Variants in ASIC2 observed in about 807,000 individuals in gnomAD.
ASIC2 encodes acid-sensing ion channel 2.
ASIC2 carries 25 observed loss-of-function variants against 57.3 expected under a neutral mutation model. The ratio of observed to expected loss-of-function variants is 0.44; its 90% CI spans 0.32 to 0.61. The LOEUF (loss-of-function observed/expected upper bound fraction) is 0.61, where lower values mean the gene tolerates loss of function less well. ASIC2 is among the 20% of genes least tolerant of loss of function. ASIC2 has a pLI of 0.06. For missense variants in ASIC2, 641 were observed against 738.1 expected (o/e 0.87, Z 1.52); for synonymous variants, 319 against 307.5 (o/e 1.04, Z -0.39).
In ASIC2 at chr17:33,909,143, C is replaced by T. The variant is rs28608795; in HGVS notation, c.555+246835G>A. 5.5e-3 allele frequency among the ~76,000 whole-genome samples: 835 copies of T among 152,280 alleles called. 7 individuals carry two copies. Among genetic ancestry groups the T allele is most frequent in the African/African-American group, 0.019 (793 of 41,550 alleles). ...GATAATTGGGAGGGGCAGTTGAAGGCAGAGGCATCTCCATACCTCAGAAAA... is the reference window on the plus strand; with the variant it reads ...GATAATTGGGAGGGGCAGTTGAAGGTAGAGGCATCTCCATACCTCAGAAAA... On this transcript the variant is annotated intron_variant, in intron 1 of 9. Transcript: ENST00000359872.
At chr17:33,324,104 T>C (rs1333147569) in intron 1 of ASIC2, among the ~76,000 whole-genome samples, 1 of 152,212 alleles carries the variant, frequency 6.6e-6, no homozygotes, top group African/African-American at 2.4e-5. Flanking sequence ...AAGATCTCGA[T>C]GGTGAACTGG....
intron 1 of ASIC2, among the ~76,000 whole-genome samples, chr17:33,289,607 A>G (rs965946158): frequency 6.6e-6 from 1 of 152,192 alleles, no homozygotes; most frequent in African/African-American, 2.4e-5. Flanking sequence ...AATTAGTGGT[A>G]TGCAAAGTTG....
intron 1 of ASIC2, among the ~76,000 whole-genome samples, chr17:33,578,941 G>A (rs906272125): frequency 1.3e-5 from 2 of 152,146 alleles, no homozygotes; most frequent in East Asian, 3.8e-4. Context: ...TCTAGCTTCT[G>A]CTGCTGCATC....
chr17:33,840,902 C>T (rs1358923400), intron 1 of ASIC2, among the ~76,000 whole-genome samples: 2 of 151,516 alleles, frequency 1.3e-5, no homozygotes, highest in Non-Finnish European at 2.9e-5. Flanking sequence ...AAAATTGGAG[C>T]ATCTTAGTCT....
intron 1 of ASIC2, among the ~76,000 whole-genome samples, chr17:33,178,932 A>G (rs1173066463): frequency 1.3e-5 from 2 of 152,168 alleles, no homozygotes; most frequent in Admixed American, 6.5e-5. Context: ...TTCCTCCCTC[A>G]TTGCAGCCCA....
intron 1 of ASIC2, among the ~76,000 whole-genome samples, chr17:33,784,860 C>T (rs1224307931): frequency 1.3e-5 from 2 of 152,098 alleles, no homozygotes; most frequent in African/African-American, 4.8e-5. Context: ...TGTGCAGGAC[C>T]TTATGACATG....
At chr17:34,030,405 C>G (rs1327616449) in intron 1 of ASIC2, among the ~76,000 whole-genome samples, 2 of 152,214 alleles carry the variant, frequency 1.3e-5, no homozygotes, top group African/African-American at 2.4e-5. Context: ...AGGAACAGCT[C>G]CGGTCTACAG....
intron 1 of ASIC2, among the ~76,000 whole-genome samples, chr17:33,225,496 C>T (rs1597639087): frequency 6.6e-6 from 1 of 152,194 alleles, no homozygotes; most frequent in Admixed American, 6.5e-5. Flanking sequence ...ATTAACAATG[C>T]CCCACAAATA....
chr17:33,512,103 T>C (rs1914446810), intron 1 of ASIC2, among the ~76,000 whole-genome samples: 1 of 152,186 alleles, frequency 6.6e-6, no homozygotes, highest in Non-Finnish European at 1.5e-5. Flanking sequence ...AGTATTGTAG[T>C]GAGGTTATGG....
chr17:33,276,917 C>G (rs962329768), intron 1 of ASIC2, among the ~76,000 whole-genome samples: 1 of 152,140 alleles, frequency 6.6e-6, no homozygotes, highest in Non-Finnish European at 1.5e-5. Context: ...TGTCTGGGGA[C>G]AGAGGCCCTT....
At chr17:33,029,074 A>G (rs1246879127) in intron 3 of ASIC2, among the ~76,000 whole-genome samples, 3 of 152,202 alleles carry the variant, frequency 2.0e-5, no homozygotes, top group Non-Finnish European at 2.9e-5. Context: ...GGATGAGGGA[A>G]CTAATGGTTG....
intron 1 of ASIC2, among the ~76,000 whole-genome samples, chr17:33,520,232 A>G (rs923426163): frequency 6.6e-6 from 1 of 152,180 alleles, no homozygotes; most frequent in Non-Finnish European, 1.5e-5. Context: ...TAGCTGTTCT[A>G]CTTGAAGAAA....
intron 1 of ASIC2, among the ~76,000 whole-genome samples, chr17:33,933,533 G>A (rs1305104160): frequency 2.0e-5 from 3 of 152,336 alleles, no homozygotes; most frequent in Non-Finnish European, 4.4e-5. Context: ...AGCAGGAATT[G>A]ATTTCAGCGA....
At chr17:33,820,835 C>A (rs187204980) in intron 1 of ASIC2, among the ~76,000 whole-genome samples, 1 of 152,288 alleles carries the variant, frequency 6.6e-6, no homozygotes, top group African/African-American at 2.4e-5. Context: ...TGTCATCATG[C>A]CCGGCTCACT....
At chr17:34,146,062 G>A (rs1368064369) in intron 1 of ASIC2, among the ~76,000 whole-genome samples, 1 of 152,208 alleles carries the variant, frequency 6.6e-6, no homozygotes, top group African/African-American at 2.4e-5. Flanking sequence ...CTGGGAGAAT[G>A]GGTATGGCTC....
chr17:33,099,032 G>T (rs2092198246), intron 2 of ASIC2, among the ~76,000 whole-genome samples: 1 of 138,828 alleles, frequency 7.2e-6, no homozygotes. Flanking sequence ...TCACTCTGTT[G>T]CCCAGGCTGG....
chr17:33,088,925 G>C lies in ASIC2; in HGVS notation c.925C>G (p.Gln309Glu). The C allele has an allele frequency of 6.2e-7, 1 of 1,614,114 alleles. No homozygotes were observed. Among genetic ancestry groups the C allele is most frequent in the South Asian group, 1.1e-5 (1 of 91,058 alleles). The change falls in exon 3 of 10, where the codon CAA (glutamine) becomes GAA (glutamate). Residue 309 changes from glutamine to glutamate, a missense_variant. By Grantham distance (29) the Gln-to-Glu change is conservative (BLOSUM62 2). Around this residue, in one of 3 missense-constraint regions of ASIC2, gnomAD observed 252 missense variants for 319.8 expected, o/e 0.79. Coordinates refer to ENST00000225823, the MANE Select transcript of ASIC2 (RefSeq NM_183377.2). ...GGAGCCACCCCAAAGCCCAGCTCTT[G>C]GATGAAAGGTGGCTCAGACTGACTG... ...IHSQSEPPFI[Q>E]ELGFGVAPGF...
At chr17:33,130,314 G>A (rs1470453145) in intron 1 of ASIC2, among the ~76,000 whole-genome samples, 2 of 151,902 alleles carry the variant, frequency 1.3e-5, no homozygotes, top group African/African-American at 2.4e-5. Flanking sequence ...TCATCTTCAG[G>A]TAAAGGATAG....
chr17:34,020,216 A>T (rs1490108118), intron 1 of ASIC2, among the ~76,000 whole-genome samples: 1 of 152,252 alleles, frequency 6.6e-6, no homozygotes, highest in Non-Finnish European at 1.5e-5. Flanking sequence ...GTTTTCCAGT[A>T]TCTGGTGGTC....
Sources: gnomAD v4.1 joint callset for allele counts (sites outside exome capture counted in the v4.1 genomes callset) on GRCh38, gnomAD v4.1.1 for gene constraint, gnomAD v4.1.1 regional missense constraint, MANE v1.5 for transcripts, NCBI Gene and HGNC (gene_info 2026-07-23, HGNC 2026-07-21) for gene names.